CDKAL1: variants seen among roughly 807,000 people sequenced by gnomAD.
The protein encoded by CDKAL1 is CDKAL1 threonylcarbamoyladenosine tRNA methylthiotransferase.
Under a neutral mutation model 68.2 loss-of-function variants are expected in CDKAL1, and 32 were observed. The observed-to-expected ratio is 0.47, with a 90% CI of 0.35 to 0.63. The LOEUF is 0.63. Ranked by LOEUF, CDKAL1 falls within the 30% of genes least tolerant of loss-of-function variation. The pLI is 0.00. For missense variants in CDKAL1, 606 were observed against 696.7 expected, an observed-to-expected ratio of 0.87 and a Z score of 1.47; for synonymous variants, 234 against 244.3, an observed-to-expected ratio of 0.96 and a Z score of 0.39.
Position 20,758,637 on chromosome 6 carries a change from A to T in CDKAL1, c.511A>T (p.Ile171Phe). 3.7e-6 allele frequency: 6 copies of T among 1,609,662 alleles called. No individual in the cohort carries two copies. Among genetic ancestry groups the T allele is most frequent in the Non-Finnish European group, 5.1e-6 (6 of 1,177,814 alleles). The stretch of plus-strand genomic sequence containing the variant: ...TGTGGTAGAAGTTGTGGAGGAGACA[A>T]TTAAAGGTAATCGTTGAAAGTGAGA... ...DRVVEVVEET[I>F]KGHSVRLLGQ... Residue 171 changes from isoleucine to phenylalanine, a missense_variant, in exon 7 of 16, where the codon ATT becomes TTT. Coordinates refer to ENST00000274695, the MANE Select transcript of CDKAL1 (RefSeq NM_017774.3).
intron 11 of CDKAL1, among the ~76,000 whole-genome samples, chr6:21,013,912 A>C (rs990341929): frequency 6.6e-6 from 1 of 152,228 alleles, no homozygotes; most frequent in African/African-American, 2.4e-5. Context: ...AGAAAAGCTT[A>C]AGATGCTTAA....
intron 11 of CDKAL1, among the ~76,000 whole-genome samples, chr6:21,006,784 T>C (rs984176321): frequency 6.6e-6 from 1 of 152,250 alleles, no homozygotes; most frequent in Non-Finnish European, 1.5e-5. Context: ...TGTTACTTTA[T>C]GTTGACTTGC....
At chr6:21,102,158 T>C (rs1270451138) in intron 12 of CDKAL1, among the ~76,000 whole-genome samples, 5 of 152,220 alleles carry the variant, frequency 3.3e-5, no homozygotes, top group Admixed American at 3.3e-4. Context: ...TCTGTCTCCA[T>C]GTACCTATAT....
intron 11 of CDKAL1, among the ~76,000 whole-genome samples, chr6:21,007,293 G>A (rs534843587): frequency 6.6e-6 from 1 of 151,844 alleles, no homozygotes; most frequent in East Asian, 2.0e-4. Context: ...AGCCAGGTGT[G>A]GTGGCACTCG....
At chr6:20,693,797 G>GA (rs964377505) in intron 5 of CDKAL1, among the ~76,000 whole-genome samples, 1 of 151,934 alleles carries the variant, frequency 6.6e-6, no homozygotes, top group African/African-American at 2.4e-5. Context: ...GCTTCACTCA[G>GA]AAAAGTTCTT....
intron 13 of CDKAL1, among the ~76,000 whole-genome samples, chr6:21,182,679 C>G (rs1334226577): frequency 1.3e-5 from 2 of 152,126 alleles, no homozygotes; most frequent in Admixed American, 6.5e-5. Flanking sequence ...TGGCAGCTCT[C>G]TTAAAAATAA....
intron 4 of CDKAL1, among the ~76,000 whole-genome samples, chr6:20,584,770 G>A (rs1429379394): frequency 1.3e-5 from 2 of 152,148 alleles, no homozygotes; most frequent in African/African-American, 4.8e-5. Flanking sequence ...CTGGTGAGGT[G>A]CATAGTTATT....
Position 21,065,152 on chromosome 6 carries a change from C to A in CDKAL1, c.1160C>A (p.Pro387Gln). ...AAACTTGTTGAAGAGTACAAATTCC[C>A]AAGCCTGTTTATTAACCAATTTTAC... is the stretch of plus-strand genomic sequence containing the variant. ...TVKLVEEYKF[P>Q]SLFINQFYPR... is the part of the protein sequence containing the mutation. The change falls in exon 12 of 16, where the codon CCA becomes CAA. Residue 387 changes from proline to glutamine, a missense_variant. Transcript: ENST00000274695. The A allele has an allele frequency of 6.2e-7, 1 of 1,608,618 alleles. No homozygotes were observed. Among genetic ancestry groups the A allele is most frequent in the Non-Finnish European group, 8.5e-7 (1 of 1,178,134 alleles).
At chr6:21,018,749 C>G (rs1478567237) in intron 11 of CDKAL1, among the ~76,000 whole-genome samples, 2 of 151,978 alleles carry the variant, frequency 1.3e-5, no homozygotes, top group African/African-American at 4.8e-5. Context: ...TCTGTTATTA[C>G]GTTTATGATT....
chr6:21,182,243 A>C (rs1414657825), intron 13 of CDKAL1, among the ~76,000 whole-genome samples: 3 of 152,236 alleles, frequency 2.0e-5, no homozygotes, highest in Non-Finnish European at 4.4e-5. Context: ...ATTTTTGAGA[A>C]AAATGCCATT....
At chr6:20,803,922 T>C (rs1300670058) in intron 8 of CDKAL1, among the ~76,000 whole-genome samples, 1 of 152,162 alleles carries the variant, frequency 6.6e-6, no homozygotes, top group East Asian at 1.9e-4. Context: ...CACTTCTACC[T>C]TCAAGGCAGG....
intron 13 of CDKAL1, among the ~76,000 whole-genome samples, chr6:21,148,102 G>T (rs999440156): frequency 6.6e-5 from 10 of 152,296 alleles, no homozygotes; most frequent in African/African-American, 2.4e-4. Context: ...TTTTAATCAT[G>T]TTTTTAGATT....
intron 12 of CDKAL1, among the ~76,000 whole-genome samples, chr6:21,103,250 A>G (rs1773671196): frequency 6.6e-6 from 1 of 152,222 alleles, no homozygotes; most frequent in African/African-American, 2.4e-5. Context: ...TTGGTTGTAT[A>G]ACCTCACATT....
At chr6:21,140,784 TC>T (rs1424934518) in intron 13 of CDKAL1, among the ~76,000 whole-genome samples, 1 of 152,140 alleles carries the variant, frequency 6.6e-6, no homozygotes, top group African/African-American at 2.4e-5. Context: ...TGTGTATTAG[TC>T]CGTTTTCAGG....
intron 13 of CDKAL1, among the ~76,000 whole-genome samples, chr6:21,168,238 T>G (rs1489611481): frequency 6.6e-6 from 1 of 152,220 alleles, no homozygotes; most frequent in Admixed American, 6.5e-5. Context: ...TGCCCAGCCT[T>G]CTGCTCCTCC....
intron 4 of CDKAL1, among the ~76,000 whole-genome samples, chr6:20,619,014 T>C (rs1372620064): frequency 6.6e-6 from 1 of 152,228 alleles, no homozygotes; most frequent in Non-Finnish European, 1.5e-5. Context: ...TATACTTCTA[T>C]GATAGTGACA....
intron 5 of CDKAL1, among the ~76,000 whole-genome samples, chr6:20,729,406 C>T (rs902808606): frequency 1.1e-4 from 16 of 152,004 alleles, no homozygotes; most frequent in Admixed American, 3.9e-4. Flanking sequence ...ATTTACAATT[C>T]GGAGTATTTT....
intron 13 of CDKAL1, among the ~76,000 whole-genome samples, chr6:21,195,976 C>T: frequency 6.6e-6 from 1 of 152,136 alleles, no homozygotes; most frequent in African/African-American, 2.4e-5. Context: ...AAATACTCAC[C>T]TACAAATAGT....
intron 13 of CDKAL1, among the ~76,000 whole-genome samples, chr6:21,155,260 T>C (rs897647639): frequency 1.2e-4 from 18 of 151,952 alleles, no homozygotes; most frequent in Non-Finnish European, 2.2e-4. Context: ...TAGTTTTTTT[T>C]CCCCCCGAAT....
Sources: gnomAD v4.1 joint callset for allele counts (sites outside exome capture counted in the v4.1 genomes callset) on GRCh38, gnomAD v4.1.1 for gene constraint, MANE v1.5 for transcripts, NCBI Gene and HGNC (gene_info 2026-07-23, HGNC 2026-07-21) for gene names.